The following TTC29 variants were observed in gnomAD, a reference collection of about 807,000 sequenced individuals.
TTC29 encodes tetratricopeptide repeat domain 29.
A neutral mutation model predicts 58.1 loss-of-function variants in TTC29; 49 were observed. The observed-to-expected ratio is 0.84, with a 90% CI of 0.67 to 1.07. TTC29 has a LOEUF of 1.07. Ranked by LOEUF, TTC29 falls within the 50% of genes least tolerant of loss-of-function variation. The pLI is 0.00. For missense variants in TTC29, 582 were observed against 555.6 expected (o/e 1.05, Z -0.48); for synonymous variants, 209 against 196.8 (o/e 1.06, Z -0.52).
chr4:146,921,044 A>T (rs1226435048), intron 4 of TTC29, among the ~76,000 whole-genome samples: 1 of 151,460 alleles, frequency 6.6e-6, no homozygotes, highest in Non-Finnish European at 1.5e-5. Context: ...ATAACTACCG[A>T]ACTGTAAGTC....
At chr4:146,711,076 A>G (rs577019962) in intron 11 of TTC29, among the ~76,000 whole-genome samples, 1 of 152,240 alleles carries the variant, frequency 6.6e-6, no homozygotes, top group Admixed American at 6.5e-5. Flanking sequence ...TAATTTTGGC[A>G]TGCTAAACAT....
chr4:146,915,843 C>T lies in TTC29; in HGVS notation c.177-6594G>A, dbSNP rs527478575. On this transcript the variant is annotated intron_variant, in intron 4 of 12. Transcript: ENST00000325106. ...TACAGTCAGTGAAATATTTCAAAAG[C>T]GGTTCAATAAAAAAACCGTACTTTA... is the stretch of plus-strand genomic sequence containing the variant. Among the ~76,000 whole-genome samples the T allele has an allele frequency of 7.3e-5, 11 of 151,496 alleles. No homozygotes were observed. In the South Asian group the frequency reaches 1.2e-3, roughly 17 times the overall value.
chr4:146,763,970 G>C lies in TTC29; in HGVS notation c.1330+39487C>G, dbSNP rs187088148. On this transcript the variant is annotated intron_variant, in intron 11 of 12. Coordinates refer to ENST00000325106, the MANE Select transcript of TTC29 (RefSeq NM_031956.4). ...ACAGGTTTGATGGCTTAAGGCAGAG[G>C]GGGGGACAATGACTGCACCTACCTC... 6.1e-5 allele frequency: 8 copies of C among 132,038 alleles called. No homozygotes were observed. The South Asian group carries it at 7.0e-4, about 12-fold the overall frequency. 8.2% of individuals were successfully genotyped at this position (132,038 alleles called of 1,614,324 possible).
At chr4:146,794,129 C>T (rs1208166431) in intron 11 of TTC29, among the ~76,000 whole-genome samples, 1 of 152,096 alleles carries the variant, frequency 6.6e-6, no homozygotes, top group Non-Finnish European at 1.5e-5. Context: ...ATTCACAATT[C>T]ATCATACAAA....
chr4:146,893,882 C>T (rs1172130357), intron 6 of TTC29, among the ~76,000 whole-genome samples: 4 of 152,176 alleles, frequency 2.6e-5, no homozygotes, highest in Non-Finnish European at 2.9e-5. Flanking sequence ...TATGAACAGA[C>T]ACTTCTCAAA....
At chr4:146,940,757 G>A (rs778552626) in intron 2 of TTC29, among the ~76,000 whole-genome samples, 2 of 152,164 alleles carry the variant, frequency 1.3e-5, no homozygotes, top group Admixed American at 1.3e-4. Flanking sequence ...GGCAACCTAA[G>A]ACTTCTTATA....
At chr4:146,883,318 A>G (rs1218276086) in intron 6 of TTC29, among the ~76,000 whole-genome samples, 1 of 152,034 alleles carries the variant, frequency 6.6e-6, no homozygotes, top group Non-Finnish European at 1.5e-5. Context: ...GTGCGGAAAC[A>G]ATTGTTAGCA....
intron 11 of TTC29, among the ~76,000 whole-genome samples, chr4:146,774,721 C>T (rs772809155): frequency 7.9e-5 from 12 of 152,162 alleles, no homozygotes; most frequent in South Asian, 2.1e-4. Flanking sequence ...GTTCTGTAGA[C>T]GTCTGTTAGG....
At chr4:146,870,538 A>C (rs1453361174) in intron 7 of TTC29, among the ~76,000 whole-genome samples, 1 of 152,002 alleles carries the variant, frequency 6.6e-6, no homozygotes, top group African/African-American at 2.4e-5. Context: ...AGTGAAAATC[A>C]ACAAAACAAA....
intron 11 of TTC29, among the ~76,000 whole-genome samples, chr4:146,745,215 C>T (rs12108531): frequency 0.048 from 7,333 of 152,218 alleles, 608 homozygotes; most frequent in African/African-American, 0.17. Context: ...CGAGCAAGAG[C>T]CTAGAGGAAA....
At chr4:146,930,098 T>TACACAC (rs1553942360) in intron 4 of TTC29, among the ~76,000 whole-genome samples, 1 of 118,784 alleles carries the variant, frequency 8.4e-6, no homozygotes, top group African/African-American at 3.9e-5. Flanking sequence ...TATATATATA[T>TACACAC]ATATATATAT....
chr4:146,804,199 A>C (rs557661369), intron 10 of TTC29, among the ~76,000 whole-genome samples: 2 of 152,278 alleles, frequency 1.3e-5, no homozygotes, highest in East Asian at 3.9e-4. Flanking sequence ...TGCTGTGAGG[A>C]ATGGTGCTCT....
intron 11 of TTC29, among the ~76,000 whole-genome samples, chr4:146,735,389 T>A (rs1237281274): frequency 1.3e-5 from 2 of 152,124 alleles, no homozygotes; most frequent in Non-Finnish European, 2.9e-5. Context: ...GTGACTAACT[T>A]AGGGACAGTA....
chr4:146,817,116 C>A (rs1751461635), intron 10 of TTC29, among the ~76,000 whole-genome samples: 1 of 152,168 alleles, frequency 6.6e-6, no homozygotes, highest in African/African-American at 2.4e-5. Flanking sequence ...AAAGGGTATT[C>A]AATTAGGAAA....
At chr4:146,783,311 A>C (rs919171637) in intron 11 of TTC29, among the ~76,000 whole-genome samples, 2 of 151,322 alleles carry the variant, frequency 1.3e-5, no homozygotes, top group Non-Finnish European at 2.9e-5. Context: ...TTAGCTTCCT[A>C]GTCTCTGTCC....
chr4:146,867,051 A>G (rs1730606131), intron 8 of TTC29, among the ~76,000 whole-genome samples: 1 of 152,104 alleles, frequency 6.6e-6, no homozygotes, highest in South Asian at 2.1e-4. Context: ...TTGCCTCCCC[A>G]CTACCTGCAC....
At chr4:146,738,969 T>C (rs1744922657) in intron 11 of TTC29, among the ~76,000 whole-genome samples, 1 of 152,234 alleles carries the variant, frequency 6.6e-6, no homozygotes, top group Non-Finnish European at 1.5e-5. Flanking sequence ...TGTACCTTTG[T>C]AATAGCCTTT....
chr4:146,727,575 A>G (rs1743887124), intron 11 of TTC29, among the ~76,000 whole-genome samples: 1 of 152,188 alleles, frequency 6.6e-6, no homozygotes, highest in African/African-American at 2.4e-5. Context: ...AGAATGTCCT[A>G]GAGTTGAAAT....
chr4:146,926,525 A>C (rs570950667), intron 4 of TTC29, among the ~76,000 whole-genome samples: 3 of 151,580 alleles, frequency 2.0e-5, no homozygotes, highest in African/African-American at 7.3e-5. Flanking sequence ...CAGGCTGGAG[A>C]GTGCAATGGT....
Sources: gnomAD v4.1 joint callset for allele counts (sites outside exome capture counted in the v4.1 genomes callset) on GRCh38, gnomAD v4.1.1 for gene constraint, MANE v1.5 for transcripts, NCBI Gene and HGNC (gene_info 2026-07-23, HGNC 2026-07-21) for gene names.